Variants in FOXP2 observed in about 807,000 individuals in gnomAD.
FOXP2 encodes forkhead box P2, also known as forkhead box protein P2.
FOXP2 carries 12 observed loss-of-function variants against 115.8 expected under a neutral mutation model. That is an observed-to-expected ratio of 0.10 (90% CI 0.07 to 0.17). The LOEUF (loss-of-function observed/expected upper bound fraction) is 0.17, where lower values mean the gene tolerates loss of function less well. Ranked by LOEUF, FOXP2 falls within the 10% of genes least tolerant of loss-of-function variation. FOXP2 has a pLI of 1.00. For missense variants in FOXP2, 629 were observed against 843.5 expected (o/e 0.75, Z 3.15); for synonymous variants, 328 against 297.7 (o/e 1.10, Z -1.05).
At chr7:114,355,498 A>G (rs534331959) in intron 2 of FOXP2, among the ~76,000 whole-genome samples, 1 of 152,302 alleles carries the variant, frequency 6.6e-6, no homozygotes, top group South Asian at 2.1e-4. Context: ...CAAGTGTAAT[A>G]GTTTCTCTGA....
intron 3 of FOXP2, among the ~76,000 whole-genome samples, chr7:114,559,653 C>T (rs569409856): frequency 2.2e-4 from 34 of 152,190 alleles, no homozygotes; most frequent in African/African-American, 6.3e-4. Flanking sequence ...GAGGCCAAGG[C>T]GGGCAGATCA....
chr7:114,432,765 A>G (rs1205139611), intron 2 of FOXP2, among the ~76,000 whole-genome samples: 8 of 151,940 alleles, frequency 5.3e-5, no homozygotes, highest in Admixed American at 5.3e-4. Context: ...AAAGAAGTGT[A>G]CACTTGGCCT....
intron 1 of FOXP2, among the ~76,000 whole-genome samples, chr7:114,239,254 T>C (rs1795093395): frequency 6.6e-6 from 1 of 152,078 alleles, no homozygotes; most frequent in African/African-American, 2.4e-5. Context: ...TGTCATTCAG[T>C]AGTAAATGTA....
At chr7:114,687,316 C>T (rs923452560) in intron 16 of FOXP2, among the ~76,000 whole-genome samples, 2 of 152,112 alleles carry the variant, frequency 1.3e-5, no homozygotes, top group African/African-American at 4.8e-5. Context: ...ACGTTATTTG[C>T]ATCCCCAGCA....
At chr7:114,663,619 T>C (rs1267991427) in intron 15 of FOXP2, 100 bp downstream of exon 15, 2 of 932,218 alleles carry the variant, frequency 2.1e-6, no homozygotes, top group African/African-American at 1.7e-5. Context: ...TTGTTCTTAA[T>C]AGTTGGTTTA....
chr7:114,179,433 G>C (rs184967143), intron 1 of FOXP2, among the ~76,000 whole-genome samples: 1 of 151,936 alleles, frequency 6.6e-6, no homozygotes, highest in Non-Finnish European at 1.5e-5. Context: ...TCCCACTCTT[G>C]TCATTTCCAC....
In FOXP2 at chr7:114,505,635, C is replaced by G. The variant is rs146974399; in HGVS notation, c.169-28982C>G. ...TGATTTCAGAACAAAACTAGAAAGC[C>G]CTTACCAACCTGTTACAACTTCTTT... On this transcript the variant is annotated intron_variant, in intron 2 of 16. Coordinates refer to ENST00000350908, the MANE Select transcript of FOXP2 (RefSeq NM_014491.4). 7.2e-3 allele frequency among the ~76,000 whole-genome samples: 1,087 copies of G among 151,056 alleles called. 14 individuals are homozygous for G. The highest frequency in any genetic ancestry group is 0.025 in the African/African-American group (1,020 of 41,342).
At chr7:114,134,018 G>A (rs1441155678) in intron 1 of FOXP2, among the ~76,000 whole-genome samples, 1 of 152,176 alleles carries the variant, frequency 6.6e-6, no homozygotes, top group African/African-American at 2.4e-5. Context: ...AGGAGATTGA[G>A]AAATATGGCA....
At chr7:114,483,994 A>G (rs2129238891) in intron 2 of FOXP2, among the ~76,000 whole-genome samples, 1 of 151,934 alleles carries the variant, frequency 6.6e-6, no homozygotes, top group South Asian at 2.1e-4. Context: ...CTTTAAATGT[A>G]CTTTACAATT....
intron 2 of FOXP2, among the ~76,000 whole-genome samples, chr7:114,362,985 A>G (rs967403454): frequency 2.0e-5 from 3 of 152,028 alleles, no homozygotes; most frequent in African/African-American, 4.8e-5. Flanking sequence ...ACATTTCTCA[A>G]TGACTTTGGG....
At chr7:114,609,690 C>T (rs578077461) in intron 3 of FOXP2, among the ~76,000 whole-genome samples, 1 of 152,076 alleles carries the variant, frequency 6.6e-6, no homozygotes, top group Non-Finnish European at 1.5e-5. Context: ...AACCTTTTTG[C>T]CAGTGTCAGT....
At chr7:114,664,117 A>G (rs546683334) in intron 15 of FOXP2, among the ~76,000 whole-genome samples, 156 bp from the exon 16 acceptor site, 121 of 152,316 alleles carry the variant, frequency 7.9e-4, no homozygotes, top group Non-Finnish European at 1.6e-3. Context: ...TCTCTGCCAC[A>G]AGTAGCCAGT....
At chr7:114,315,627 CACACACACAA>C (rs1469429329) in intron 2 of FOXP2, among the ~76,000 whole-genome samples, 2 of 152,004 alleles carry the variant, frequency 1.3e-5, no homozygotes, top group African/African-American at 4.8e-5. Context: ...CACACACACA[CACACACACAA>C]ACAAACATAA....
chr7:114,497,954 C>T (rs1053596651), intron 2 of FOXP2, among the ~76,000 whole-genome samples: 3 of 152,062 alleles, frequency 2.0e-5, no homozygotes, highest in African/African-American at 7.2e-5. Context: ...CAATACAAGC[C>T]TACAGAAACT....
In FOXP2 at chr7:114,618,210, G is replaced by A. The variant is rs112506011; in HGVS notation, c.259-10330G>A. 6.7e-3 allele frequency among the ~76,000 whole-genome samples: 1,017 copies of A among 152,240 alleles called. 8 individuals are homozygous for A. Among genetic ancestry groups the A allele is most frequent in the African/African-American group, 0.023 (969 of 41,522 alleles). On this transcript the variant is annotated intron_variant, in intron 3 of 16. Coordinates refer to ENST00000350908, the MANE Select transcript of FOXP2 (RefSeq NM_014491.4). ...ACCAGAAGTTAGCAAACTTTTGCTG[G>A]ATGGATGAATGACTATGGAGGGTTT...
At chr7:114,494,488 A>G (rs1290657408) in intron 2 of FOXP2, among the ~76,000 whole-genome samples, 3 of 152,106 alleles carry the variant, frequency 2.0e-5, no homozygotes, top group East Asian at 3.9e-4. Context: ...ACCTGCTAAA[A>G]CAATATTTCT....
intron 1 of FOXP2, among the ~76,000 whole-genome samples, chr7:114,421,044 A>T (rs943190201): frequency 1.3e-5 from 2 of 151,648 alleles, no homozygotes; most frequent in Non-Finnish European, 3.0e-5. Flanking sequence ...AGTATTATAA[A>T]ATCTCTTTCA....
upstream of FOXP2, among the ~76,000 whole-genome samples, chr7:114,161,697 T>G (rs1792839837): frequency 6.6e-6 from 1 of 152,042 alleles, no homozygotes; most frequent in Non-Finnish European, 1.5e-5. Flanking sequence ...TGAATTCCAG[T>G]TTATTATTTA....
At chr7:114,475,207 CT>C (rs955620102) in intron 2 of FOXP2, among the ~76,000 whole-genome samples, 3 of 152,008 alleles carry the variant, frequency 2.0e-5, no homozygotes, top group Non-Finnish European at 2.9e-5. Flanking sequence ...AAGGTGACCC[CT>C]AGTTTCACTC....
Sources: allele counts gnomAD v4.1 joint callset (sites outside exome capture counted in the v4.1 genomes callset), GRCh38; gene constraint gnomAD v4.1.1; transcripts MANE v1.5; gene names NCBI Gene and HGNC (gene_info 2026-07-23, HGNC 2026-07-21).